WWOX: variants seen among roughly 807,000 people sequenced by gnomAD.
WWOX encodes WW domain containing oxidoreductase.
In WWOX, 69 loss-of-function variants were observed where a neutral mutation model predicts 46.2. The observed-to-expected ratio is 1.49, with a 90% CI of 1.23 to 1.82. WWOX has a LOEUF of 1.82. Among genes scored for constraint, WWOX ranks in the 40% most tolerant of loss-of-function variants. The pLI is 0.00. For missense variants in WWOX, 919 were observed against 542.6 expected (o/e 1.69, Z -6.89); for synonymous variants, 359 against 202.6 (o/e 1.77, Z -6.56).
chr16:78,511,295 C>T (rs1286060567), intron 8 of WWOX, among the ~76,000 whole-genome samples: 6 of 152,202 alleles, frequency 3.9e-5, no homozygotes, highest in Admixed American at 6.5e-5. Context: ...AGCCTTTTAG[C>T]GGAGTTCACA....
chr16:78,956,501 C>A (rs1281722643), intron 8 of WWOX, among the ~76,000 whole-genome samples: 1 of 152,072 alleles, frequency 6.6e-6, no homozygotes, highest in East Asian at 1.9e-4. Flanking sequence ...TCATCATCAC[C>A]TAAAGTCTAT....
chr16:79,199,016 C>A (rs145914489), intron 8 of WWOX, among the ~76,000 whole-genome samples: 2 of 152,120 alleles, frequency 1.3e-5, no homozygotes, highest in Admixed American at 6.5e-5. Context: ...TGCTCTTTGA[C>A]CTAGGCAGAA....
chr16:79,176,176 T>C (rs2050796272), intron 8 of WWOX, among the ~76,000 whole-genome samples: 1 of 152,138 alleles, frequency 6.6e-6, no homozygotes. Context: ...AAATGCATTA[T>C]AGCTGAAACC....
chr16:78,868,188 C>G (rs2044048100), intron 8 of WWOX, among the ~76,000 whole-genome samples: 1 of 152,172 alleles, frequency 6.6e-6, no homozygotes, highest in Non-Finnish European at 1.5e-5. Context: ...TGGAATACTA[C>G]TCAGCAATGA....
intron 8 of WWOX, among the ~76,000 whole-genome samples, chr16:78,932,362 T>A (rs1444688455): frequency 6.6e-6 from 1 of 152,160 alleles, no homozygotes; most frequent in East Asian, 1.9e-4. Context: ...CTCAGGCCGT[T>A]TTTCCACCCT....
intron 8 of WWOX, among the ~76,000 whole-genome samples, chr16:79,186,454 C>T (rs188324430): frequency 6.6e-6 from 1 of 152,180 alleles, no homozygotes; most frequent in African/African-American, 2.4e-5. Flanking sequence ...CTCCCACGGC[C>T]TTCTCCCTGT....
chr16:78,758,721 T>A (rs964866592), intron 8 of WWOX, among the ~76,000 whole-genome samples: 2 of 152,128 alleles, frequency 1.3e-5, no homozygotes, highest in Non-Finnish European at 2.9e-5. Flanking sequence ...TCTGAGCCCA[T>A]TGATAAATGG....
intron 5 of WWOX, among the ~76,000 whole-genome samples, chr16:78,217,024 CT>C (rs1292966824): frequency 6.6e-6 from 1 of 152,118 alleles, no homozygotes; most frequent in Non-Finnish European, 1.5e-5. Context: ...CACCCAGCCC[CT>C]CTCCCTATTT....
chr16:79,144,335 G>T (rs1193691879), intron 8 of WWOX, among the ~76,000 whole-genome samples: 1 of 152,226 alleles, frequency 6.6e-6, no homozygotes, highest in African/African-American at 2.4e-5. Flanking sequence ...GAAATTAATA[G>T]CACCTGCCTG....
At chr16:78,257,021 G>C (rs1271901621) in intron 5 of WWOX, among the ~76,000 whole-genome samples, 1 of 152,052 alleles carries the variant, frequency 6.6e-6, no homozygotes, top group Non-Finnish European at 1.5e-5. Context: ...TTAGGCTTTG[G>C]ACTTGAGGCC....
At chr16:78,681,075 C>T (rs1285426236) in intron 8 of WWOX, among the ~76,000 whole-genome samples, 2 of 152,090 alleles carry the variant, frequency 1.3e-5, no homozygotes, top group Admixed American at 6.5e-5. Flanking sequence ...ATGGTGAAAC[C>T]CCATCTGTAA....
intron 8 of WWOX, chr16:78,890,878 A>T (rs1478755998): frequency 6.6e-6 from 1 of 152,220 alleles, no homozygotes; most frequent in East Asian, 1.9e-4. Context: ...GACTTTAGGT[A>T]CATTCCTGCA....
intron 8 of WWOX, among the ~76,000 whole-genome samples, chr16:78,586,604 C>G (rs1316037290): frequency 6.6e-6 from 1 of 152,170 alleles, no homozygotes; most frequent in Non-Finnish European, 1.5e-5. Context: ...AAGAAACTTG[C>G]TCAATGTAAC....
intron 8 of WWOX, among the ~76,000 whole-genome samples, chr16:78,684,883 C>G (rs974271121): frequency 6.6e-6 from 1 of 152,136 alleles, no homozygotes; most frequent in Non-Finnish European, 1.5e-5. Flanking sequence ...CTTTTATAGT[C>G]AGAGCATAGG....
In WWOX at chr16:78,788,935, G is replaced by A. The variant is rs114378275; in HGVS notation, c.1056+356183G>A. On this transcript the variant is annotated intron_variant, in intron 8 of 8. Transcript: ENST00000566780. Reference sequence around the variant, plus strand: ...CTTAGTATGTGGGGAAAGTTGAGTTGTAAAAGTTGTTTATATATTTTGGAA... The same window carrying A: ...CTTAGTATGTGGGGAAAGTTGAGTTATAAAAGTTGTTTATATATTTTGGAA... 3.8e-3 allele frequency among the ~76,000 whole-genome samples: 574 copies of A among 152,312 alleles called. 2 individuals are homozygous for A. The highest frequency in any genetic ancestry group is 0.013 in the African/African-American group (541 of 41,568).
intron 8 of WWOX, among the ~76,000 whole-genome samples, chr16:78,755,264 G>GA (rs1006871379): frequency 1.3e-5 from 2 of 151,592 alleles, no homozygotes; most frequent in African/African-American, 4.9e-5. Flanking sequence ...GAAAACACCG[G>GA]AAAAAAGAGA....
intron 8 of WWOX, among the ~76,000 whole-genome samples, chr16:78,591,532 G>A (rs1307392409): frequency 6.6e-6 from 1 of 152,176 alleles, no homozygotes; most frequent in Non-Finnish European, 1.5e-5. Flanking sequence ...CTGTGGGGTG[G>A]TAGACAGATA....
At chr16:78,738,978 A>G (rs1019128732) in intron 8 of WWOX, among the ~76,000 whole-genome samples, 5 of 152,180 alleles carry the variant, frequency 3.3e-5, no homozygotes, top group Admixed American at 2.6e-4. Flanking sequence ...TCCTGGCCCT[A>G]GGAAGACGTA....
chr16:78,262,979 T>TG (rs58803003), intron 5 of WWOX, among the ~76,000 whole-genome samples: 10,189 of 152,260 alleles, frequency 0.067, 420 homozygotes, highest in South Asian at 0.14. Context: ...TCAACTCTCA[T>TG]GGGCTTGCCT....
Sources: gnomAD v4.1 joint callset for allele counts (sites outside exome capture counted in the v4.1 genomes callset) on GRCh38, gnomAD v4.1.1 for gene constraint, MANE v1.5 for transcripts, NCBI Gene and HGNC (gene_info 2026-07-23, HGNC 2026-07-21) for gene names.